The following HEATR1 variants were observed in gnomAD, a reference collection of about 807,000 sequenced individuals.
HEATR1 encodes the protein HEAT repeat-containing protein 1.
A neutral mutation model predicts 248.2 loss-of-function variants in HEATR1; 77 were observed. The ratio of observed to expected loss-of-function variants is 0.31; its 90% CI spans 0.26 to 0.37. The LOEUF (loss-of-function observed/expected upper bound fraction) is 0.37. Ranked by LOEUF, HEATR1 falls within the 10% of genes least tolerant of loss-of-function variation. The probability of loss-of-function intolerance (pLI) is 1.00; values close to 1 mark genes in which losing one functional copy is unlikely to be tolerated. For synonymous variants in HEATR1, 897 were observed against 923.1 expected (o/e 0.97, Z 0.51); for missense variants, 2,420 against 2,504.9 (o/e 0.97, Z 0.72).
rs1663940258 is a variant in HEATR1, at chr1:236,588,029, T to G, written c.1545A>C (p.Glu515Asp). The G allele has an allele frequency of 6.2e-7, 1 of 1,611,824 alleles. No individual in the cohort carries two copies. Among genetic ancestry groups the G allele is most frequent in the South Asian group, 1.1e-5 (1 of 90,820 alleles). ...IMKTSKEGVD[E>D]SFIKEAVLAR... Reference sequence around the variant, plus strand: ...CTAAAACAGCTTCTTTTATGAAAGATTCATCAACACCCTCCTGAGCAATAA... The same window carrying G: ...CTAAAACAGCTTCTTTTATGAAAGAGTCATCAACACCCTCCTGAGCAATAA... Residue 515 changes from glutamate to aspartate, a missense_variant, in exon 13 of 45, where the codon GAA becomes GAC. Glu to Asp is a conservative substitution (Grantham distance 45, BLOSUM62 2). Coordinates refer to ENST00000366582, the MANE Select transcript of HEATR1 (RefSeq NM_018072.6).
intron 25 of HEATR1, 81 bp downstream of exon 25, chr1:236,572,644 A>C (rs1663458822): frequency 6.3e-7 from 1 of 1,591,258 alleles, no homozygotes; most frequent in Admixed American, 1.7e-5. Flanking sequence ...CAAATTGATG[A>C]GTATCAAAAA....
chr1:236,580,276 A>T (rs1663677386), intron 20 of HEATR1, among the ~76,000 whole-genome samples: 1 of 152,238 alleles, frequency 6.6e-6, no homozygotes, highest in African/African-American at 2.4e-5. Context: ...GCCCGATAAA[A>T]GAGATAAATG....
intron 28 of HEATR1, among the ~76,000 whole-genome samples, chr1:236,570,663 T>C (rs1482266873): frequency 1.3e-5 from 2 of 152,106 alleles, no homozygotes; most frequent in African/African-American, 4.8e-5. Flanking sequence ...GAACTATATT[T>C]CAATAAAAAC....
In HEATR1 at chr1:236,583,101, C is replaced by G; in HGVS notation, c.2337G>C (p.Gln779His). ...AHYVEELNSTQRVAVEDSVFL... is the reference protein window; with the variant it reads ...AHYVEELNSTHRVAVEDSVFL... ...AAACCGAGTCCTCCACGGCCACCCT[C>G]TGAGTGCTGTTGAGCTCTTCTACAT... is the stretch of plus-strand genomic sequence containing the variant. Residue 779 changes from glutamine to histidine, a missense_variant, in exon 18 of 45, where the codon CAG becomes CAC. Transcript: ENST00000366582. The G allele has an allele frequency of 6.2e-7, 1 of 1,614,202 alleles. No homozygotes were observed. The highest frequency in any genetic ancestry group is 1.1e-5 in the South Asian group (1 of 91,086).
In HEATR1 at chr1:236,590,602, T is replaced by C. The variant is rs116187345; in HGVS notation, c.1530+245A>G. On this transcript the variant is annotated intron_variant, in intron 12 of 44. Coordinates refer to ENST00000366582, the MANE Select transcript of HEATR1 (RefSeq NM_018072.6). ...CGTGAATTAATCTACAAATTCCAGT[T>C]TGAAAAACACTAAAGATAAACAACT... Among the ~76,000 whole-genome samples, 493 of 152,220 alleles carry C rather than the reference T, an allele frequency of 3.2e-3. 1 individual carries two copies. Among genetic ancestry groups the C allele is most frequent in the African/African-American group, 0.011 (473 of 41,534 alleles).
At chr1:236,595,493 G>A (rs758637821) in intron 8 of HEATR1, 47 bp downstream of exon 8, 16 of 1,514,292 alleles carry the variant, frequency 1.1e-5, no homozygotes, top group Non-Finnish European at 1.3e-5. Context: ...ACTATTTTAA[G>A]ATCAAATCTT....
intron 29 of HEATR1, 94 bp downstream of exon 29, chr1:236,568,902 A>C (rs1663346862): frequency 8.7e-6 from 8 of 918,626 alleles, no homozygotes; most frequent in Non-Finnish European, 1.2e-5. Flanking sequence ...AAAAAACAAA[A>C]AAAAAAAACT....
At position 236,596,990 on chromosome 1, in the gene HEATR1, CACAA is replaced by C. The variant is rs751758677; in HGVS notation, c.604-18_604-15del. 1 of 1,608,600 alleles carries C rather than the reference CACAA, an allele frequency of 6.2e-7. No individual in the cohort carries two copies. The highest frequency in any genetic ancestry group is 8.5e-7 in the Non-Finnish European group (1 of 1,178,340). Reference sequence around the variant, plus strand: ...CTCAGCAAAAACCTGAAACAAGGAACACAAACAAAACACATTTAACAGTGAAAGG... The same window carrying C: ...CTCAGCAAAAACCTGAAACAAGGAACACAAAACACATTTAACAGTGAAAGG... On this transcript the variant is annotated splice_polypyrimidine_tract_variant and intron_variant, in intron 5 of 44. Transcript: ENST00000366582.
chr1:236,567,799 C>T (rs1186010771), intron 29 of HEATR1, among the ~76,000 whole-genome samples: 1 of 152,216 alleles, frequency 6.6e-6, no homozygotes, highest in Non-Finnish European at 1.5e-5. Flanking sequence ...AGCAAGTCTG[C>T]TTAGACTGCC....
chr1:236,558,354 G>C lies in HEATR1; in HGVS notation c.5087C>G (p.Ala1696Gly), dbSNP rs779168536. 9 of 1,614,168 alleles carry C rather than the reference G, an allele frequency of 5.6e-6. No individual in the cohort carries two copies. Among genetic ancestry groups the C allele is most frequent in the Non-Finnish European group, 7.6e-6 (9 of 1,180,016 alleles). ...TCTCTCTGGAGCAATCAGTTTCACA[G>C]CAGTGTTCAGCACTGGGACAAAAGG... ...PDPFVPVLNT[A>G]VKLIAPERKE... Residue 1696 changes from alanine (A) to glycine (G), a missense_variant, in exon 36 of 45, where the codon GCT becomes GGT. Transcript: ENST00000366582.
chr1:236,604,145 CT>C lies in HEATR1; in HGVS notation c.-32-19del. The C allele has an allele frequency of 6.6e-7, 1 of 1,520,320 alleles. No individual in the cohort carries two copies. Among genetic ancestry groups the C allele is most frequent in the Non-Finnish European group, 8.8e-7 (1 of 1,141,760 alleles). 94.2% of individuals were successfully genotyped at this position (1,520,320 alleles called of 1,614,324 possible). The stretch of plus-strand genomic sequence containing the variant: ...GACACGGGCTAAAAAAACGTAAGCA[CT>C]TTGATAAGTTTCTACGAAATTATAA... On this transcript the variant is annotated intron_variant, in intron 1 of 44. Transcript: ENST00000366582.
chr1:236,594,188 G>A (rs1161185024), intron 8 of HEATR1, 74 bp from the exon 9 acceptor site: 12 of 944,236 alleles, frequency 1.3e-5, no homozygotes, highest in Non-Finnish European at 1.8e-5. Context: ...TTCACTTATA[G>A]CAGAAAATCG....
intron 32 of HEATR1, among the ~76,000 whole-genome samples, chr1:236,564,283 T>G (rs1276156405): frequency 6.6e-6 from 1 of 152,200 alleles, no homozygotes; most frequent in Non-Finnish European, 1.5e-5. Flanking sequence ...CACTTAAGAA[T>G]GAAACCACTG....
At chr1:236,596,256 A>G (rs1489345102) in intron 6 of HEATR1, among the ~76,000 whole-genome samples, 2 of 152,202 alleles carry the variant, frequency 1.3e-5, no homozygotes, top group African/African-American at 4.8e-5. Flanking sequence ...AAAGGATCTC[A>G]GAAAATTTCC....
intron 11 of HEATR1, among the ~76,000 whole-genome samples, 197 bp downstream of exon 11, chr1:236,591,796 C>T (rs1044756090): frequency 2.0e-5 from 3 of 152,132 alleles, no homozygotes; most frequent in African/African-American, 7.2e-5. Context: ...TAGTTATGTA[C>T]AAATTATTGT....
intron 22 of HEATR1, 47 bp downstream of exon 22, chr1:236,576,172 C>G: frequency 2.1e-6 from 3 of 1,427,090 alleles, no homozygotes; most frequent in South Asian, 3.0e-5. Flanking sequence ...TACAACAATT[C>G]TTTAGTAACA....
intron 8 of HEATR1, among the ~76,000 whole-genome samples, chr1:236,594,430 G>A (rs1664121244): frequency 6.6e-6 from 1 of 152,092 alleles, no homozygotes; most frequent in Admixed American, 6.6e-5. Context: ...AGTTGTGATG[G>A]TGCCAATCAA....
intron 11 of HEATR1, among the ~76,000 whole-genome samples, chr1:236,591,319 CAAAT>C (rs1017859353): frequency 3.7e-4 from 56 of 152,236 alleles, no homozygotes; most frequent in African/African-American, 1.3e-3. Context: ...CATGATATAA[CAAAT>C]AGTGACACTC....
At position 236,592,492 on chromosome 1, in the gene HEATR1, A is replaced by G. The variant is rs748621488; in HGVS notation, c.1304+31T>C. ...ATCTTTATAGAACAGGAAGTACTTT[A>G]GAAGAGCATAAACATACACACGTAA... is the stretch of plus-strand genomic sequence containing the variant. On this transcript the variant is annotated intron_variant, in intron 10 of 44. Coordinates refer to ENST00000366582, the MANE Select transcript of HEATR1 (RefSeq NM_018072.6). 3 of 864,422 alleles carry G rather than the reference A, an allele frequency of 3.5e-6. No individual in the cohort carries two copies. The East Asian group carries it at 7.6e-5, about 22-fold the overall frequency. The allele number at this position is 864,422 out of a possible 1,614,324, so 53.5% of individuals were successfully genotyped here.
Sources: allele counts gnomAD v4.1 joint callset (sites outside exome capture counted in the v4.1 genomes callset), GRCh38; gene constraint gnomAD v4.1.1; transcripts MANE v1.5; gene names NCBI Gene and HGNC (gene_info 2026-07-23, HGNC 2026-07-21).